DOCK3: variants seen among roughly 807,000 people sequenced by gnomAD.
The protein encoded by DOCK3 is dedicator of cytokinesis protein 3.
Under a neutral mutation model 265.6 loss-of-function variants are expected in DOCK3, and 60 were observed. The ratio of observed to expected loss-of-function variants is 0.23; its 90% CI spans 0.18 to 0.28. The LOEUF is 0.28. Among genes scored for constraint, DOCK3 ranks in the 10% least tolerant of loss-of-function variants. The pLI, the probability that DOCK3 is intolerant of heterozygous loss-of-function variation, is 1.00. For missense variants in DOCK3, 1,981 were observed against 2,594.3 expected (o/e 0.76, Z 5.14); for synonymous variants, 881 against 938.0 (o/e 0.94, Z 1.11).
chr3:50,848,631 T>G (rs1055931744), intron 3 of DOCK3, among the ~76,000 whole-genome samples: 2 of 152,206 alleles, frequency 1.3e-5, no homozygotes, highest in African/African-American at 2.4e-5. Flanking sequence ...TCTCTCCTGT[T>G]TGTAAGTTTT....
intron 25 of DOCK3, 89 bp from the exon 26 acceptor site, chr3:51,277,518 AC>A: frequency 6.9e-7 from 1 of 1,439,182 alleles, no homozygotes; most frequent in Non-Finnish European, 9.2e-7. Context: ...CCAGAAGACT[AC>A]TGCTGATGTG....
At chr3:50,826,702 G>A (rs1265679005) in intron 2 of DOCK3, among the ~76,000 whole-genome samples, 1 of 152,104 alleles carries the variant, frequency 6.6e-6, no homozygotes, top group Admixed American at 6.6e-5. Flanking sequence ...ACAGGAACTG[G>A]ATACTGTAGA....
intron 1 of DOCK3, among the ~76,000 whole-genome samples, chr3:50,688,763 C>T (rs62260125): frequency 0.036 from 5,449 of 152,154 alleles, 135 homozygotes; most frequent in Non-Finnish European, 0.058. Context: ...CATGCCTGGC[C>T]GGTATTTTCT....
intron 51 of DOCK3, 24 bp downstream of exon 51, chr3:51,375,859 C>T (rs2088078929): frequency 6.2e-7 from 1 of 1,613,018 alleles, no homozygotes; most frequent in African/African-American, 1.3e-5. Flanking sequence ...GGTGGCCTTC[C>T]CCCCATGTCT....
chr3:51,245,347 A>G (rs1434778685), intron 21 of DOCK3, among the ~76,000 whole-genome samples: 1 of 152,054 alleles, frequency 6.6e-6, no homozygotes, highest in Admixed American at 6.6e-5. Flanking sequence ...AAAGAAAAAA[A>G]TAAATAAGAC....
chr3:51,132,682 T>C (rs757287164), intron 9 of DOCK3, among the ~76,000 whole-genome samples: 53 of 152,222 alleles, frequency 3.5e-4, no homozygotes, highest in Non-Finnish European at 6.6e-4. Context: ...ACACAAGTTC[T>C]TATCATGCAA....
intron 5 of DOCK3, among the ~76,000 whole-genome samples, chr3:51,044,477 G>T (rs2080676429): frequency 6.6e-6 from 1 of 151,618 alleles, no homozygotes; most frequent in Admixed American, 6.6e-5. Flanking sequence ...ACGACTAATG[G>T]GTACTAGGCT....
At chr3:50,727,114 C>T (rs2037880869) in intron 1 of DOCK3, among the ~76,000 whole-genome samples, 1 of 152,126 alleles carries the variant, frequency 6.6e-6, no homozygotes, top group Non-Finnish European at 1.5e-5. Flanking sequence ...AAACAAATAT[C>T]AAGATTGTAG....
intron 10 of DOCK3, among the ~76,000 whole-genome samples, chr3:51,153,633 C>G (rs2085716785): frequency 6.6e-6 from 1 of 152,188 alleles, no homozygotes; most frequent in Non-Finnish European, 1.5e-5. Context: ...ATTCGGCTAT[C>G]TTGGAACAGA....
At chr3:50,942,039 A>G (rs1157226041) in intron 5 of DOCK3, among the ~76,000 whole-genome samples, 2 of 152,036 alleles carry the variant, frequency 1.3e-5, no homozygotes, top group Non-Finnish European at 2.9e-5. Context: ...ATATTGTAAC[A>G]ATGTCAGTTT....
chr3:51,342,036 A>G (rs1171218401), intron 38 of DOCK3, among the ~76,000 whole-genome samples: 1 of 152,142 alleles, frequency 6.6e-6, no homozygotes, highest in Non-Finnish European at 1.5e-5. Context: ...GTGCTGGAAA[A>G]ACTTGTTGAA....
intron 3 of DOCK3, among the ~76,000 whole-genome samples, chr3:50,851,874 G>C (rs2046371563): frequency 6.6e-6 from 1 of 152,230 alleles, no homozygotes; most frequent in African/African-American, 2.4e-5. Context: ...CTGCCAGATT[G>C]CCAAAGAATG....
rs543937915 is a variant in DOCK3, at chr3:51,076,555, A to T, written c.549+1115A>T. ...TCAGGTGAAATTTTCTCCCAGGACA[A>T]TGCAAGTATGCTTTGCATACAAAGT... On this transcript the variant is annotated intron_variant, in intron 7 of 52. Transcript: ENST00000266037. 3.3e-5 allele frequency among the ~76,000 whole-genome samples: 5 copies of T among 152,312 alleles called. No individual in the cohort carries two copies. The South Asian group carries it at 8.3e-4, about 25-fold the overall frequency.
chr3:50,750,832 T>A (rs2108304339), intron 1 of DOCK3, among the ~76,000 whole-genome samples: 1 of 152,316 alleles, frequency 6.6e-6, no homozygotes, highest in South Asian at 2.1e-4. Context: ...TGCTATAGAA[T>A]GTAAATTAAT....
At chr3:51,362,792 A>C in intron 49 of DOCK3, 118 bp downstream of exon 49, 3 of 1,411,450 alleles carry the variant, frequency 2.1e-6, no homozygotes, top group Non-Finnish European at 1.9e-6. Flanking sequence ...GAGAATACTC[A>C]TTTGTGCTTT....
intron 32 of DOCK3, among the ~76,000 whole-genome samples, chr3:51,323,869 AC>A (rs543192376): frequency 4.3e-4 from 65 of 152,282 alleles, no homozygotes; most frequent in Admixed American, 2.5e-3. Flanking sequence ...ACACACAAAA[AC>A]CCTTCAAGAA....
At chr3:51,335,414 G>A (rs1245479684) in intron 35 of DOCK3, among the ~76,000 whole-genome samples, 1 of 152,056 alleles carries the variant, frequency 6.6e-6, no homozygotes. Flanking sequence ...CCCAAGAGTG[G>A]TCTTCCAACT....
intron 10 of DOCK3, among the ~76,000 whole-genome samples, chr3:51,150,217 G>A (rs1028601951): frequency 6.6e-6 from 1 of 151,950 alleles, no homozygotes; most frequent in African/African-American, 2.4e-5. Context: ...ATGTCTATTT[G>A]TTTCTTCTCT....
At chr3:50,738,996 A>G (rs2038830694) in intron 1 of DOCK3, among the ~76,000 whole-genome samples, 1 of 152,192 alleles carries the variant, frequency 6.6e-6, no homozygotes, top group Admixed American at 6.5e-5. Flanking sequence ...CTAAATAAGC[A>G]GCAGATTGAT....
Sources: allele counts gnomAD v4.1 joint callset (sites outside exome capture counted in the v4.1 genomes callset), GRCh38; gene constraint gnomAD v4.1.1; transcripts MANE v1.5; gene names NCBI Gene and HGNC (gene_info 2026-07-23, HGNC 2026-07-21).